The following CASK variants were observed in gnomAD, a reference collection of about 807,000 sequenced individuals.
CASK encodes the protein peripheral plasma membrane protein CASK.
Under a neutral mutation model 82.9 loss-of-function variants are expected in CASK, and 4 were observed. The observed-to-expected ratio is 0.05, with a 90% CI of 0.02 to 0.11. The LOEUF (loss-of-function observed/expected upper bound fraction) is 0.11, where lower values mean the gene tolerates loss of function less well. Among genes scored for constraint, CASK ranks in the 10% least tolerant of loss-of-function variants. The pLI, the probability that CASK is intolerant of heterozygous loss-of-function variation, is 1.00. For missense variants in CASK, 358 were observed against 720.9 expected (o/e 0.50, Z 5.76); for synonymous variants, 259 against 253.5 (o/e 1.02, Z -0.20).
At chrX:41,668,817 T>C (rs972059550) in intron 6 of CASK, among the ~76,000 whole-genome samples, 4 of 110,345 alleles carry the variant, frequency 3.6e-5, no homozygotes, top group African/African-American at 1.3e-4. Flanking sequence ...CTCAGCTCAC[T>C]GCAGCCTCTG....
intron 1 of CASK, among the ~76,000 whole-genome samples, chrX:41,874,716 T>G (rs2071778885): frequency 8.9e-6 from 1 of 112,530 alleles, no homozygotes; most frequent in African/African-American, 3.2e-5. Context: ...GAAATTGCAT[T>G]ATGCTAAAAG....
intron 2 of CASK, among the ~76,000 whole-genome samples, chrX:41,803,572 A>G (rs2070050236): frequency 8.9e-6 from 1 of 111,809 alleles, no homozygotes; most frequent in African/African-American, 3.3e-5. Flanking sequence ...AGCCTGGGTG[A>G]CAGAGCGAGA....
At chrX:41,650,575 T>C (rs2147429118) in intron 8 of CASK, among the ~76,000 whole-genome samples, 1 of 107,114 alleles carries the variant, frequency 9.3e-6, no homozygotes, top group Non-Finnish European at 1.9e-5. Flanking sequence ...AGGGTTTTGC[T>C]CTGTCTCCCA....
intron 2 of CASK, among the ~76,000 whole-genome samples, chrX:41,850,030 A>C (rs372263892): frequency 1.7e-4 from 19 of 111,348 alleles, no homozygotes; most frequent in African/African-American, 6.2e-4. Context: ...AATACAAAAA[A>C]TTAGCTGTGT....
At chrX:41,843,834 T>G (rs971578963) in intron 2 of CASK, among the ~76,000 whole-genome samples, 2 of 111,657 alleles carry the variant, frequency 1.8e-5, no homozygotes, top group African/African-American at 6.5e-5. Context: ...TCAAGATTCA[T>G]TCATGTTGTA....
intron 2 of CASK, among the ~76,000 whole-genome samples, chrX:41,834,645 T>C (rs1167446685): frequency 9.0e-6 from 1 of 111,509 alleles, no homozygotes; most frequent in Non-Finnish European, 1.9e-5. Flanking sequence ...TCATAGATCT[T>C]ATGGTGAGAG....
At chrX:41,771,858 T>C (rs1055216634) in intron 3 of CASK, among the ~76,000 whole-genome samples, 1 of 110,936 alleles carries the variant, frequency 9.0e-6, no homozygotes, top group Admixed American at 9.6e-5. Context: ...ATGGACTAAA[T>C]GATCCAAGTA....
intron 2 of CASK, among the ~76,000 whole-genome samples, chrX:41,808,195 C>T (rs921153605): frequency 2.7e-5 from 3 of 111,854 alleles, no homozygotes; most frequent in Non-Finnish European, 5.6e-5. Context: ...ACTGTTACAA[C>T]GGCAATTAAA....
intron 24 of CASK, among the ~76,000 whole-genome samples, chrX:41,532,958 G>C (rs1238392127): frequency 1.8e-5 from 2 of 110,903 alleles, no homozygotes; most frequent in African/African-American, 3.3e-5. Flanking sequence ...CTACAGGTGT[G>C]TGCCACCATG....
chrX:41,818,145 C>CTGTGTGTGTGTGTGTGTG (rs59931187), intron 2 of CASK, among the ~76,000 whole-genome samples: 17 of 85,422 alleles, frequency 2.0e-4, no homozygotes, highest in African/African-American at 7.2e-4. Flanking sequence ...AGGAGGCCTT[C>CTGTGTGTGTGTGTGTGTG]TGTGTGTGTG....
chrX:41,791,342 T>C (rs1216256437), intron 2 of CASK, among the ~76,000 whole-genome samples: 1 of 108,240 alleles, frequency 9.2e-6, no homozygotes, highest in Non-Finnish European at 1.9e-5. Flanking sequence ...GTCATTCTTA[T>C]GCCTTTGCGT....
At position 41,542,813 on chromosome X, in the gene CASK, C is replaced by T. The variant is rs778995428; in HGVS notation, c.2040-7G>A. The T allele has an allele frequency of 3.7e-5, 39 of 1,041,653 alleles. No individual in the cohort carries two copies. Among genetic ancestry groups the T allele is most frequent in the Non-Finnish European group, 4.3e-5 (32 of 744,558 alleles). 85.8% of individuals were successfully genotyped at this position (1,041,653 alleles called of 1,213,427 possible). ...GGCAATGCAAGCTACTCGCCTAGCA[C>T]ATACAAAAAGAAAAATAAAATAAAA... On this transcript the variant is annotated splice_polypyrimidine_tract_variant and splice_region_variant and intron_variant, in intron 21 of 26. Transcript: ENST00000378163.
chrX:41,855,089 T>C (rs937374225), intron 1 of CASK, among the ~76,000 whole-genome samples: 8 of 111,968 alleles, frequency 7.1e-5, no homozygotes, highest in Non-Finnish European at 1.3e-4. Flanking sequence ...TCATGGTCAA[T>C]CGAGTCAATT....
At chrX:41,604,411 T>C (rs1258490739) in intron 12 of CASK, among the ~76,000 whole-genome samples, 1 of 104,059 alleles carries the variant, frequency 9.6e-6, no homozygotes, top group Admixed American at 1.1e-4. Context: ...GAGAATGACA[T>C]GTGATGACGG....
intron 14 of CASK, among the ~76,000 whole-genome samples, chrX:41,579,887 G>A (rs1457902464): frequency 8.9e-6 from 1 of 112,050 alleles, no homozygotes; most frequent in African/African-American, 3.2e-5. Flanking sequence ...TTTGTTACCA[G>A]TAAAGAATAT....
intron 17 of CASK, among the ~76,000 whole-genome samples, chrX:41,560,637 T>A (rs914154800): frequency 1.1e-4 from 12 of 104,883 alleles, no homozygotes; most frequent in Non-Finnish European, 2.2e-4. Context: ...ACACCTGTCA[T>A]CCCGGTACTT....
intron 7 of CASK, among the ~76,000 whole-genome samples, chrX:41,664,997 G>A (rs1242255675): frequency 8.9e-6 from 1 of 112,757 alleles, no homozygotes; most frequent in Admixed American, 9.3e-5. Flanking sequence ...TTAAGCAGAA[G>A]GCTTTAAAAA....
rs1308309481 is a variant in CASK at position 41,669,019 on chromosome X, C to G, written c.532+2409G>C. On this transcript the variant is annotated intron_variant, in intron 6 of 26. Coordinates refer to ENST00000378163, the MANE Select transcript of CASK (RefSeq NM_001367721.1). ...GAATTAGAGGCATGAGCCACCGTGC[C>G]CAACCTTAATTACCAAAATTTCAAA... Among the ~76,000 whole-genome samples the G allele has an allele frequency of 1.8e-5, 2 of 111,390 alleles. 1 individual carries two copies.
At chrX:41,691,730 A>G (rs906501801) in intron 5 of CASK, among the ~76,000 whole-genome samples, 1 of 106,021 alleles carries the variant, frequency 9.4e-6, no homozygotes, top group Non-Finnish European at 1.9e-5. Context: ...GGTCCCAGCT[A>G]CTTGGGAGGC....
Sources: gnomAD v4.1 joint callset for allele counts (sites outside exome capture counted in the v4.1 genomes callset) on GRCh38, gnomAD v4.1.1 for gene constraint, MANE v1.5 for transcripts, NCBI Gene and HGNC (gene_info 2026-07-23, HGNC 2026-07-21) for gene names.